The following TBC1D30 variants were observed in gnomAD, a reference collection of about 807,000 sequenced individuals.
TBC1D30 encodes the protein TBC1 domain family, member 30.
In TBC1D30, 31 loss-of-function variants were observed where a neutral mutation model predicts 63.2. The ratio of observed to expected loss-of-function variants is 0.49; its 90% CI spans 0.37 to 0.66. TBC1D30 has a LOEUF of 0.66. Among genes scored for constraint, TBC1D30 ranks in the 30% least tolerant of loss-of-function variants. The probability of loss-of-function intolerance (pLI) is 0.00; values close to 1 mark genes in which losing one functional copy is unlikely to be tolerated. For synonymous variants in TBC1D30, 307 were observed against 361.5 expected (o/e 0.85, Z 1.71); for missense variants, 810 against 953.6 (o/e 0.85, Z 1.98).
In TBC1D30 at chr12:64,816,573, G is replaced by C. The variant is rs1325454924; in HGVS notation, c.644-11262G>C. Among the ~76,000 whole-genome samples the C allele has an allele frequency of 2.0e-5, 3 of 152,190 alleles. No individual in the cohort carries two copies. The East Asian group carries it at 5.8e-4, about 29-fold the overall frequency. On this transcript the variant is annotated intron_variant, in intron 2 of 12. Coordinates refer to the TBC1D30 transcript ENST00000542120. ...TTGGTCTCAGAGAATTCTAGGGTTG[G>C]AAGCTGCTCTACTGGTATTGCTAGT...
intron 1 of TBC1D30, among the ~76,000 whole-genome samples, chr12:64,770,823 C>G (rs189734622): frequency 6.6e-6 from 1 of 152,024 alleles, no homozygotes; most frequent in Non-Finnish European, 1.5e-5. Context: ...CCTTCCTCAG[C>G]CTCCCACGTA....
chr12:64,789,205 CAG>C (rs1200215981), intron 2 of TBC1D30, among the ~76,000 whole-genome samples: 2 of 128,896 alleles, frequency 1.6e-5, no homozygotes, highest in Non-Finnish European at 3.2e-5. Context: ...TTTTTGGAGA[CAG>C]AGTCTCACTC....
chr12:64,869,202 T>C (rs1201465703), intron 10 of TBC1D30, among the ~76,000 whole-genome samples: 2 of 152,230 alleles, frequency 1.3e-5, no homozygotes, highest in Non-Finnish European at 2.9e-5. Context: ...GGCACCTCTG[T>C]GTTCTCTTTG....
Position 64,806,703 on chromosome 12 carries a change from G to T in TBC1D30, c.643+20658G>T, listed in dbSNP as rs11175562. ...TATACTGAAAAGAATTGGGAGCAGG[G>T]TCTCAAAGAGATATTTGCACATCCA... On this transcript the variant is annotated intron_variant, in intron 2 of 12. Coordinates refer to the TBC1D30 transcript ENST00000542120. Among the ~76,000 whole-genome samples, 724 of 152,276 alleles carry T rather than the reference G, an allele frequency of 4.8e-3. 4 individuals carry two copies. Among genetic ancestry groups the T allele is most frequent in the African/African-American group, 0.016 (651 of 41,552 alleles).
intron 7 of TBC1D30, among the ~76,000 whole-genome samples, chr12:64,841,289 A>G (rs982564779): frequency 6.6e-6 from 1 of 152,098 alleles, no homozygotes; most frequent in Non-Finnish European, 1.5e-5. Flanking sequence ...CGCTCACCCC[A>G]AGGGTACTTG....
rs75657416 is a variant in TBC1D30 at position 64,835,647 on chromosome 12, A to C, written c.595-843A>C. On this transcript the variant is annotated intron_variant, in intron 5 of 11. Coordinates refer to ENST00000539867, the MANE Select transcript of TBC1D30 (RefSeq NM_015279.2). ...TCTTCAGAGAACTGCAAACAAAGAA[A>C]GTAGAGGTAGTGATTCAATACTATT... is the stretch of plus-strand genomic sequence containing the variant. Among the ~76,000 whole-genome samples, 651 of 152,288 alleles carry C rather than the reference A, an allele frequency of 4.3e-3. 8 individuals are homozygous for C. The highest frequency in any genetic ancestry group is 0.014 in the African/African-American group (601 of 41,550).
At chr12:64,804,444 T>A (rs530849733) in intron 2 of TBC1D30, among the ~76,000 whole-genome samples, 25 of 152,322 alleles carry the variant, frequency 1.6e-4, no homozygotes, top group African/African-American at 5.8e-4. Context: ...ACAGGGACAA[T>A]TTGACTCCCT....
intron 7 of TBC1D30, among the ~76,000 whole-genome samples, chr12:64,841,054 G>A (rs930244973): frequency 3.3e-5 from 5 of 152,150 alleles, no homozygotes; most frequent in Admixed American, 2.0e-4. Flanking sequence ...AGGTTAATTA[G>A]CTAGTTCATA....
chr12:64,865,342 T>C (rs1264844141), intron 9 of TBC1D30, among the ~76,000 whole-genome samples: 2 of 151,130 alleles, frequency 1.3e-5, no homozygotes, highest in African/African-American at 4.9e-5. Flanking sequence ...AGAATTCCTT[T>C]AGTTCTTTGG....
At chr12:64,844,046 G>A (rs370762786) in intron 8 of TBC1D30, among the ~76,000 whole-genome samples, 2 of 151,998 alleles carry the variant, frequency 1.3e-5, no homozygotes, top group African/African-American at 2.4e-5. Flanking sequence ...CTCCCACTGC[G>A]GCCTTCCTAA....
At chr12:64,874,024 T>G (rs922980486) in intron 11 of TBC1D30, among the ~76,000 whole-genome samples, 26 of 152,104 alleles carry the variant, frequency 1.7e-4, no homozygotes, top group Middle Eastern at 3.4e-3. Context: ...GAAATAGGAG[T>G]CTGGTCATAG....
intron 2 of TBC1D30, among the ~76,000 whole-genome samples, chr12:64,789,578 A>G (rs946649504): frequency 2.6e-5 from 4 of 152,222 alleles, no homozygotes; most frequent in Non-Finnish European, 5.9e-5. Context: ...AAGGGAATAT[A>G]GTAATTTTGA....
At position 64,806,284 on chromosome 12, in the gene TBC1D30, T is replaced by G. The variant is rs182418687; in HGVS notation, c.643+20239T>G. 9.8e-5 allele frequency among the ~76,000 whole-genome samples: 15 copies of G among 152,324 alleles called. No individual in the cohort carries two copies. The East Asian group carries it at 1.7e-3, about 18-fold the overall frequency. On this transcript the variant is annotated intron_variant, in intron 2 of 12. Transcript: ENST00000542120. Reference sequence around the variant, plus strand: ...AAAGTGTGTGTCAGTGCTTTGAATATAGTTAGGAAATGAGAGCCTCAGAGT... The same window carrying G: ...AAAGTGTGTGTCAGTGCTTTGAATAGAGTTAGGAAATGAGAGCCTCAGAGT...
chr12:64,850,847 T>C (rs1876806488), intron 8 of TBC1D30, among the ~76,000 whole-genome samples: 1 of 152,208 alleles, frequency 6.6e-6, no homozygotes, highest in South Asian at 2.1e-4. Flanking sequence ...TCAGAAGGAA[T>C]GGTACCAGCT....
chr12:64,838,338 T>G (rs1422298921), intron 6 of TBC1D30, among the ~76,000 whole-genome samples: 1 of 152,218 alleles, frequency 6.6e-6, no homozygotes, highest in Non-Finnish European at 1.5e-5. Context: ...GAAAATCTGA[T>G]GGCTTTTGCT....
At chr12:64,794,016 G>A (rs1371199510) in intron 2 of TBC1D30, among the ~76,000 whole-genome samples, 8 of 152,166 alleles carry the variant, frequency 5.3e-5, no homozygotes, top group African/African-American at 1.2e-4. Flanking sequence ...AACTGTGCAC[G>A]GGTGAAAATG....
rs572201220 is a variant in TBC1D30 at position 64,784,790 on chromosome 12, C to T, written c.479-1091C>T. 2.0e-5 allele frequency among the ~76,000 whole-genome samples: 3 copies of T among 151,822 alleles called. No homozygotes were observed. In the South Asian group the frequency reaches 6.3e-4, roughly 32 times the overall value. ...CTAGGTGATGGGTTGATGGGTGCAG[C>T]AAACCACCATGGCACATGTATACCT... is the stretch of plus-strand genomic sequence containing the variant. On this transcript the variant is annotated intron_variant, in intron 1 of 12. Transcript: ENST00000542120.
intron 1 of TBC1D30, among the ~76,000 whole-genome samples, chr12:64,775,082 G>A (rs921586844): frequency 6.8e-6 from 1 of 146,062 alleles, no homozygotes; most frequent in African/African-American, 2.6e-5. Context: ...GACAGAGTGA[G>A]ACTGTGTCTC....
chr12:64,801,193 G>A (rs538573120), intron 2 of TBC1D30, among the ~76,000 whole-genome samples: 8 of 152,284 alleles, frequency 5.3e-5, no homozygotes, highest in South Asian at 4.1e-4. Flanking sequence ...AGGAGGGGCC[G>A]TATCATTCAT....
Sources: gnomAD v4.1 joint callset for allele counts (sites outside exome capture counted in the v4.1 genomes callset) on GRCh38, gnomAD v4.1.1 for gene constraint, MANE v1.5 for transcripts, NCBI Gene and HGNC (gene_info 2026-07-23, HGNC 2026-07-21) for gene names.